The following FAF1 variants were observed in gnomAD, a reference collection of about 807,000 sequenced individuals.
The protein encoded by FAF1 is Fas associated factor 1, also known as FAS-associated factor 1.
In FAF1, 25 loss-of-function variants were observed where a neutral mutation model predicts 92.5. That is an observed-to-expected ratio of 0.27 (90% CI 0.20 to 0.38). The LOEUF (loss-of-function observed/expected upper bound fraction) is 0.38. FAF1 is among the 10% of genes least tolerant of loss of function. The pLI, the probability that FAF1 is intolerant of heterozygous loss-of-function variation, is 1.00. For synonymous variants in FAF1, 234 were observed against 273.2 expected, an observed-to-expected ratio of 0.86 and a Z score of 1.42; for missense variants, 636 against 793.3, an observed-to-expected ratio of 0.80 and a Z score of 2.38.
chr1:50,475,030 T>C (rs1029264218), intron 18 of FAF1, among the ~76,000 whole-genome samples: 3 of 152,246 alleles, frequency 2.0e-5, no homozygotes, highest in African/African-American at 2.4e-5. Flanking sequence ...GTAGTAAGAC[T>C]ATCAAATCAC....
intron 2 of FAF1, among the ~76,000 whole-genome samples, chr1:50,805,428 T>C (rs1662156315): frequency 6.6e-6 from 1 of 152,058 alleles, no homozygotes. Flanking sequence ...GCATGTAAGG[T>C]ATGCATAAAA....
chr1:50,584,644 A>G, intron 10 of FAF1, 41 bp downstream of exon 10: 3 of 1,595,190 alleles, frequency 1.9e-6, no homozygotes, highest in Non-Finnish European at 2.6e-6. Flanking sequence ...TACTAGAAGA[A>G]AGAATTCTAT....
At chr1:50,562,871 C>T (rs753288561) in intron 13 of FAF1, among the ~76,000 whole-genome samples, 1 of 152,202 alleles carries the variant, frequency 6.6e-6, no homozygotes, top group Non-Finnish European at 1.5e-5. Context: ...TCTGTGGGTT[C>T]TGCATCTGTT....
At chr1:50,466,487 T>G (rs569635573) in intron 18 of FAF1, among the ~76,000 whole-genome samples, 3 of 152,166 alleles carry the variant, frequency 2.0e-5, no homozygotes, top group Admixed American at 6.5e-5. Context: ...TGGATATATA[T>G]ATTTGTGAGT....
chr1:50,770,026 G>C (rs890760612), intron 4 of FAF1, among the ~76,000 whole-genome samples: 3 of 152,132 alleles, frequency 2.0e-5, no homozygotes, highest in African/African-American at 7.2e-5. Context: ...ACTCCAGCCT[G>C]AGTAACAAAG....
At chr1:50,896,997 T>G (rs1644762716) in intron 1 of FAF1, among the ~76,000 whole-genome samples, 1 of 152,150 alleles carries the variant, frequency 6.6e-6, no homozygotes, top group Admixed American at 6.5e-5. Flanking sequence ...AGTCAATTGC[T>G]TTCCTACATA....
At chr1:50,458,717 C>CT (rs994531502) in intron 18 of FAF1, among the ~76,000 whole-genome samples, 2 of 152,340 alleles carry the variant, frequency 1.3e-5, no homozygotes, top group Admixed American at 1.3e-4. Flanking sequence ...ACTGTTTCCT[C>CT]TTTTTGCCAT....
At chr1:50,448,600 G>A (rs1646256300) in intron 18 of FAF1, among the ~76,000 whole-genome samples, 2 of 152,152 alleles carry the variant, frequency 1.3e-5, no homozygotes, top group South Asian at 4.1e-4. Flanking sequence ...CTGCTCTCAT[G>A]TTACAAGGTA....
chr1:50,729,058 A>ATTTTTTTTTTAT (rs1553132917), intron 6 of FAF1, among the ~76,000 whole-genome samples: 1 of 70,132 alleles, frequency 1.4e-5, no homozygotes, highest in African/African-American at 5.9e-5. Context: ...ATATATATAT[A>ATTTTTTTTTTAT]TTTTTTTTTT....
chr1:50,671,221 A>G (rs1361916823), intron 7 of FAF1, among the ~76,000 whole-genome samples: 1 of 152,094 alleles, frequency 6.6e-6, no homozygotes, highest in Non-Finnish European at 1.5e-5. Flanking sequence ...CCTGGCCAAC[A>G]CTGTGAAACC....
intron 6 of FAF1, among the ~76,000 whole-genome samples, chr1:50,718,372 G>GC (rs1166641085): frequency 1.3e-5 from 2 of 152,180 alleles, no homozygotes; most frequent in Non-Finnish European, 1.5e-5. Context: ...TGGACTTGCT[G>GC]CATCAAGTAG....
intron 6 of FAF1, among the ~76,000 whole-genome samples, chr1:50,711,352 A>C (rs1657919414): frequency 6.6e-6 from 1 of 151,878 alleles, no homozygotes; most frequent in Non-Finnish European, 1.5e-5. Context: ...CTTTTGTAGT[A>C]GTTACTTTTC....
At chr1:50,724,298 C>CACACACACAT (rs1658546790) in intron 6 of FAF1, among the ~76,000 whole-genome samples, 2 of 124,066 alleles carry the variant, frequency 1.6e-5, no homozygotes, top group Admixed American at 8.4e-5. Context: ...CACACACATA[C>CACACACACAT]ACACACACAC....
chr1:50,833,917 A>G (rs1278944117), intron 2 of FAF1, among the ~76,000 whole-genome samples: 1 of 152,152 alleles, frequency 6.6e-6, no homozygotes, highest in Admixed American at 6.5e-5. Flanking sequence ...ATGAAACCAC[A>G]TTACTCTCTT....
chr1:50,915,345 G>GAGAT (rs1200040631), intron 1 of FAF1, among the ~76,000 whole-genome samples: 3,101 of 150,466 alleles, frequency 0.021, 52 homozygotes, highest in Non-Finnish European at 0.034. Flanking sequence ...ACTCCAGCCT[G>GAGAT]GGCAACAAGA....
intron 2 of FAF1, among the ~76,000 whole-genome samples, chr1:50,817,601 C>A (rs557692646): frequency 6.6e-6 from 1 of 152,254 alleles, no homozygotes; most frequent in South Asian, 2.1e-4. Context: ...TTTAATGACA[C>A]TGAACTGCAA....
At chr1:50,478,433 G>A (rs1646664136) in intron 17 of FAF1, among the ~76,000 whole-genome samples, 1 of 152,258 alleles carries the variant, frequency 6.6e-6, no homozygotes, top group African/African-American at 2.4e-5. Context: ...AAAGTGCTGG[G>A]ATTACAGGTG....
At chr1:50,924,966 A>C (rs1375111680) in intron 1 of FAF1, among the ~76,000 whole-genome samples, 1 of 152,192 alleles carries the variant, frequency 6.6e-6, no homozygotes. Context: ...CTGGGTGACA[A>C]GAATGAAACT....
intron 5 of FAF1, among the ~76,000 whole-genome samples, chr1:50,740,509 G>A (rs1416240665): frequency 6.6e-6 from 1 of 152,058 alleles, no homozygotes; most frequent in East Asian, 1.9e-4. Flanking sequence ...TTAGTTATGT[G>A]TTAAATGAAA....
Sources: allele counts gnomAD v4.1 joint callset (sites outside exome capture counted in the v4.1 genomes callset), GRCh38; gene constraint gnomAD v4.1.1; transcripts MANE v1.5; gene names NCBI Gene and HGNC (gene_info 2026-07-23, HGNC 2026-07-21).